The following STRA6 variants were observed in gnomAD, a reference collection of about 807,000 sequenced individuals.
STRA6 encodes the protein signaling receptor and transporter of retinol STRA6.
STRA6 carries 48 observed loss-of-function variants against 83.6 expected under a neutral mutation model. The ratio of observed to expected loss-of-function variants is 0.57; its 90% CI spans 0.46 to 0.73. STRA6 has a LOEUF of 0.73. Ranked by LOEUF, STRA6 falls within the 30% of genes least tolerant of loss-of-function variation. STRA6 has a pLI of 0.00. For synonymous variants in STRA6, 353 were observed against 362.3 expected (o/e 0.97, Z 0.29); for missense variants, 760 against 838.8 (o/e 0.91, Z 1.16).
Position 74,197,757 on chromosome 15 carries a change from G to A in STRA6, c.175C>T (p.Leu59=), listed in dbSNP as rs1433725281. The part of the protein sequence containing the change: ...PGLYHACLAS[L]SILVLLLLAM... ...TCAACTTGGGTTGGACTCACTGACA[G>A]CGAGGCCAGGCAGGCGTGGTACAGG... Residue 59 remains leucine (L), a synonymous_variant, in exon 3 of 19, where the codon CTG becomes TTG. Coordinates refer to ENST00000395105, the MANE Select transcript of STRA6 (RefSeq NM_022369.4). 1 of 1,613,488 alleles carries A rather than the reference G, an allele frequency of 6.2e-7. No individual in the cohort carries two copies. The highest frequency in any genetic ancestry group is 1.1e-5 in the South Asian group (1 of 91,076).
chr15:74,191,725 A>G, intron 8 of STRA6: 1 of 594,602 alleles, frequency 1.7e-6, no homozygotes, highest in Non-Finnish European at 3.0e-6. Context: ...AGAACCATCA[A>G]TGCCAGGAAG....
chr15:74,180,668 G>A (rs1403987125), intron 18 of STRA6, 114 bp downstream of exon 18: 12 of 1,452,312 alleles, frequency 8.3e-6, no homozygotes, highest in Non-Finnish European at 1.1e-5. Context: ...AGCCAAGGAA[G>A]AGAGGAAGTG....
rs544538549 is a variant in STRA6 at position 74,191,618 on chromosome 15, T to C, written c.721-127A>G. ...AAAAACCTGTTGGCCATGGCGGTGG[T>C]GGTGAGTGTGGATGGGGCTGACCTG... On this transcript the variant is annotated intron_variant, in intron 8 of 18. Transcript: ENST00000395105. 1.4e-4 allele frequency: 115 copies of C among 803,864 alleles called. 3 individuals carry two copies. The South Asian group carries it at 1.6e-3, about 11-fold the overall frequency. 49.8% of individuals were successfully genotyped at this position (803,864 alleles called of 1,614,324 possible). A position where few individuals can be genotyped will look rare whatever the true frequency, so the allele number is the denominator to read the frequency against.
At chr15:74,195,265 C>T (rs749757889) in intron 7 of STRA6, 37 bp downstream of exon 7, 10 of 1,606,112 alleles carry the variant, frequency 6.2e-6, no homozygotes, top group Middle Eastern at 2.2e-4. Context: ...TTGCTCTGTG[C>T]GCCCCTCTGC....
intron 12 of STRA6, among the ~76,000 whole-genome samples, chr15:74,186,761 A>G (rs984620906): frequency 6.6e-6 from 1 of 151,878 alleles, no homozygotes; most frequent in African/African-American, 2.4e-5. Flanking sequence ...ACAGAGCACA[A>G]CTCCATCTCA....
intron 6 of STRA6, 23 bp downstream of exon 6, chr15:74,195,629 C>T: frequency 6.5e-7 from 1 of 1,543,678 alleles, no homozygotes; most frequent in African/African-American, 1.4e-5. Flanking sequence ...CTAGTCTCAA[C>T]TCTGTGATCT....
intron 1 of STRA6, 170 bp from the exon 2 acceptor site, chr15:74,202,452 A>T: frequency 6.5e-7 from 1 of 1,536,212 alleles, no homozygotes. Flanking sequence ...TCTGGGACTG[A>T]GGGCCTGAGC....
In STRA6 at chr15:74,202,190, A is replaced by G; in HGVS notation, c.78T>C (p.Asp26=). ...GGAGCTCCTCGCCCCCCTGGGGCTC[A>G]TCGATGTACCAGCTGCCATAGGAGT... ...EDYSYGSWYI[D]EPQGGEELQP... is the part of the protein sequence containing the mutation. The change falls in exon 2 of 19, where the codon GAT becomes GAC. Residue 26 remains aspartate (D), a synonymous_variant. Coordinates refer to ENST00000395105, the MANE Select transcript of STRA6 (RefSeq NM_022369.4). The G allele has an allele frequency of 6.6e-7, 1 of 1,517,478 alleles. No individual in the cohort carries two copies. Among genetic ancestry groups the G allele is most frequent in the Non-Finnish European group, 8.8e-7 (1 of 1,136,108 alleles). 94.0% of individuals were successfully genotyped at this position (1,517,478 alleles called of 1,614,324 possible). A position where few individuals can be genotyped will look rare whatever the true frequency, so the allele number is the denominator to read the frequency against.
chr15:74,189,776 GCCTCAGCCT>G (rs1318304284), intron 11 of STRA6, among the ~76,000 whole-genome samples: 1 of 150,822 alleles, frequency 6.6e-6, no homozygotes, highest in Non-Finnish European at 1.5e-5. Flanking sequence ...CAATTCTCCT[GCCTCAGCCT>G]CCTGAGTAGC....
intron 2 of STRA6, among the ~76,000 whole-genome samples, chr15:74,199,235 C>T (rs1358106766): frequency 6.6e-6 from 1 of 152,238 alleles, no homozygotes; most frequent in Non-Finnish European, 1.5e-5. Context: ...GGATGCTCTG[C>T]TGGGTCAGCT....
chr15:74,202,897 A>C, upstream of STRA6: 1 of 993,920 alleles, frequency 1.0e-6, no homozygotes, highest in Non-Finnish European at 1.2e-6. Flanking sequence ...TCCTTGACAA[A>C]GCCCCCCTCC....
intron 2 of STRA6, among the ~76,000 whole-genome samples, chr15:74,201,575 G>T (rs2074066538): frequency 6.6e-6 from 1 of 152,140 alleles, no homozygotes; most frequent in African/African-American, 2.4e-5. Context: ...ACCCTCACCT[G>T]GGCTGGCCTG....
At chr15:74,182,721 T>TA (rs1197145142) in intron 14 of STRA6, 2 of 495,092 alleles carry the variant, frequency 4.0e-6, no homozygotes, top group Non-Finnish European at 7.3e-6. Flanking sequence ...TGGAAACTCT[T>TA]AAAATCACAA....
chr15:74,206,139 A>G (rs1054219680), upstream of STRA6, among the ~76,000 whole-genome samples: 6 of 152,154 alleles, frequency 3.9e-5, no homozygotes, highest in East Asian at 1.9e-4. Flanking sequence ...CCTGCACACC[A>G]GTAACCAGTT....
chr15:74,202,336 T>C, intron 1 of STRA6, 54 bp from the exon 2 acceptor site: 3 of 1,577,078 alleles, frequency 1.9e-6, no homozygotes, highest in Non-Finnish European at 2.6e-6. Flanking sequence ...AAAAGAGGCT[T>C]AAAAGAGAAA....
chr15:74,183,446 A>G, intron 14 of STRA6: 1 of 1,016,616 alleles, frequency 9.8e-7, no homozygotes, highest in Non-Finnish European at 1.2e-6. Flanking sequence ...GGGTCTCACC[A>G]TGTTGGCCAG....
Position 74,196,048 on chromosome 15 carries a change from GTCC to G in STRA6, c.363_365del (p.Glu121del). On this transcript the variant is annotated inframe_deletion, in exon 5 of 19. Transcript: ENST00000395105. ...AGGCGAGAGTCAGGAAGGGCAATGC[GTCC>G]TCGTCGGGGAGCAGCAAACACAGGG... The G allele has an allele frequency of 1.9e-6, 3 of 1,614,016 alleles. 1 individual carries two copies. The highest frequency in any genetic ancestry group is 2.2e-5 in the South Asian group (2 of 91,070).
At chr15:74,198,554 T>C (rs1054815182) in intron 2 of STRA6, among the ~76,000 whole-genome samples, 1 of 152,198 alleles carries the variant, frequency 6.6e-6, no homozygotes, top group African/African-American at 2.4e-5. Flanking sequence ...AGTCAAGGGT[T>C]TGGCCCTGTG....
intron 11 of STRA6, among the ~76,000 whole-genome samples, chr15:74,190,105 G>T (rs963935508): frequency 5.9e-5 from 9 of 152,300 alleles, no homozygotes; most frequent in African/African-American, 2.2e-4. Context: ...TTTTGGTATG[G>T]AGGGGTGTTC....
Sources: gnomAD v4.1 joint callset for allele counts (sites outside exome capture counted in the v4.1 genomes callset) on GRCh38, gnomAD v4.1.1 for gene constraint, MANE v1.5 for transcripts, NCBI Gene and HGNC (gene_info 2026-07-23, HGNC 2026-07-21) for gene names.